Variants in ASCC3 observed in about 807,000 individuals in gnomAD.
ASCC3 encodes the protein ASC-1 complex subunit P200.
ASCC3 carries 158 observed loss-of-function variants against 256.3 expected under a neutral mutation model. That is an observed-to-expected ratio of 0.62 (90% CI 0.54 to 0.70). ASCC3 has a LOEUF of 0.70. Among genes scored for constraint, ASCC3 ranks in the 30% least tolerant of loss-of-function variants. The pLI is 0.00. For missense variants in ASCC3, 2,259 were observed against 2,626.0 expected (o/e 0.86, Z 3.05); for synonymous variants, 948 against 883.4 (o/e 1.07, Z -1.30).
chr6:100,532,392 ATATATATATATATATT>A (rs1562098439), intron 37 of ASCC3, among the ~76,000 whole-genome samples: 4 of 39,240 alleles, frequency 1.0e-4, no homozygotes, highest in African/African-American at 2.0e-4. Flanking sequence ...ATATATATAT[ATATATATATATATATT>A]TTTTTTTTTT....
intron 3 of ASCC3, among the ~76,000 whole-genome samples, chr6:100,855,110 C>CT (rs66722196): frequency 0.29 from 43,221 of 147,746 alleles, 6,423 homozygotes; most frequent in South Asian, 0.52. Context: ...TGTCAAGAAC[C>CT]TTTTTTTTTT....
At chr6:100,858,818 C>T in intron 3 of ASCC3, 2 of 641,230 alleles carry the variant, frequency 3.1e-6, no homozygotes, top group Non-Finnish European at 4.5e-6. Flanking sequence ...TAATGATGTC[C>T]AGCCCATATT....
At chr6:100,532,231 C>G (rs1043664110) in intron 37 of ASCC3, among the ~76,000 whole-genome samples, 3 of 150,792 alleles carry the variant, frequency 2.0e-5, no homozygotes, top group Non-Finnish European at 3.0e-5. Flanking sequence ...GATTTTCAAA[C>G]AAGCATACAC....
intron 13 of ASCC3, among the ~76,000 whole-genome samples, chr6:100,707,179 C>T (rs934021883): frequency 2.0e-5 from 3 of 152,036 alleles, no homozygotes; most frequent in Non-Finnish European, 4.4e-5. Flanking sequence ...TCCTTATAAC[C>T]CAGTCTTTTG....
chr6:100,638,990 G>A (rs186011547), intron 24 of ASCC3, among the ~76,000 whole-genome samples, 169 bp from the exon 25 acceptor site: 4 of 152,062 alleles, frequency 2.6e-5, no homozygotes, highest in East Asian at 1.9e-4. Context: ...AATATGTCAC[G>A]CAAGTAACCA....
chr6:100,545,177 T>C (rs533745484), intron 36 of ASCC3, among the ~76,000 whole-genome samples: 1 of 151,616 alleles, frequency 6.6e-6, no homozygotes, highest in East Asian at 1.9e-4. Context: ...TGGCACTTCT[T>C]TTTTTGTTGC....
intron 33 of ASCC3, among the ~76,000 whole-genome samples, chr6:100,603,227 A>G (rs1163779909): frequency 6.6e-6 from 1 of 151,906 alleles, no homozygotes; most frequent in Non-Finnish European, 1.5e-5. Context: ...CGGTCATATC[A>G]AGGTACAAAA....
rs541371110 is a variant in ASCC3 at position 100,540,732 on chromosome 6, A to G, written c.5551-345T>C. On this transcript the variant is annotated intron_variant, in intron 36 of 41. Coordinates refer to ENST00000369162, the MANE Select transcript of ASCC3 (RefSeq NM_006828.4). Reference sequence around the variant, plus strand: ...TATATAAAGTGTAATAAATGTTACGATATGGTAAAAGTACAGAGTGTTGAA... The same window carrying G: ...TATATAAAGTGTAATAAATGTTACGGTATGGTAAAAGTACAGAGTGTTGAA... Among the ~76,000 whole-genome samples the G allele has an allele frequency of 9.8e-5, 15 of 152,294 alleles. No individual in the cohort carries two copies. The East Asian group carries it at 2.7e-3, about 27-fold the overall frequency.
chr6:100,685,388 A>G (rs931494538), intron 13 of ASCC3, among the ~76,000 whole-genome samples: 2 of 152,138 alleles, frequency 1.3e-5, no homozygotes, highest in East Asian at 3.9e-4. Flanking sequence ...AGGCTCTTCA[A>G]GAGAATTAAG....
Position 100,589,542 on chromosome 6 carries a change from A to C in ASCC3, c.5550+92T>G, listed in dbSNP as rs1159874735. 3.3e-6 allele frequency: 5 copies of C among 1,497,556 alleles called. No individual in the cohort carries two copies. The East Asian group carries it at 1.2e-4, about 35-fold the overall frequency. The allele number at this position is 1,497,556 out of a possible 1,614,324, so 92.8% of individuals were successfully genotyped here. A position where few individuals can be genotyped will look rare whatever the true frequency, so the allele number is the denominator to read the frequency against. On this transcript the variant is annotated intron_variant, in intron 36 of 41. Coordinates refer to ENST00000369162, the MANE Select transcript of ASCC3 (RefSeq NM_006828.4). ...TGTTTGACAGAGGAAAGGGCTTTAC[A>C]AATGGTTTCTGTTAAATTTCAAGAC...
At chr6:100,656,509 G>A (rs951739135) in intron 16 of ASCC3, among the ~76,000 whole-genome samples, 3 of 151,482 alleles carry the variant, frequency 2.0e-5, no homozygotes, top group African/African-American at 7.2e-5. Context: ...AAATATTCAT[G>A]CATTTGAACC....
chr6:100,822,191 G>A (rs1314536064), intron 4 of ASCC3, among the ~76,000 whole-genome samples: 1 of 152,142 alleles, frequency 6.6e-6, no homozygotes, highest in African/African-American at 2.4e-5. Context: ...AATCAATTAA[G>A]CTATGCTTTA....
intron 4 of ASCC3, among the ~76,000 whole-genome samples, chr6:100,810,856 T>TTA (rs1394273970): frequency 1.3e-5 from 2 of 152,122 alleles, no homozygotes; most frequent in Non-Finnish European, 1.5e-5. Context: ...TAAATCTACA[T>TTA]TAAGATTCCT....
At chr6:100,858,967 G>A (rs1232970239) in intron 3 of ASCC3, 20 of 644,212 alleles carry the variant, frequency 3.1e-5, no homozygotes, top group Non-Finnish European at 4.7e-5. Context: ...CTTTTTAAAT[G>A]ACATTATGAC....
At chr6:100,756,343 C>A (rs1161126278) in intron 10 of ASCC3, among the ~76,000 whole-genome samples, 8 of 151,850 alleles carry the variant, frequency 5.3e-5, no homozygotes, top group Admixed American at 6.6e-5. Context: ...CTATTTTCAA[C>A]TTTTAATTTA....
At chr6:100,860,556 T>C (rs1218620295) in intron 3 of ASCC3, among the ~76,000 whole-genome samples, 2 of 151,950 alleles carry the variant, frequency 1.3e-5, no homozygotes, top group Non-Finnish European at 2.9e-5. Flanking sequence ...CTATACTTCA[T>C]TTGTTTATTG....
intron 4 of ASCC3, among the ~76,000 whole-genome samples, chr6:100,846,761 C>T (rs896289117): frequency 1.3e-5 from 2 of 152,166 alleles, no homozygotes; most frequent in African/African-American, 4.8e-5. Context: ...TTAACCTTCT[C>T]TATGCATACT....
rs575240668 is a variant in ASCC3, at chr6:100,645,031, C to T, written c.3634-902G>A. On this transcript the variant is annotated intron_variant, in intron 22 of 41. Transcript: ENST00000369162. ...TTCATTATGAAAGATAATATACTTT[C>T]GTCCTTAACTCAGCTTGAGGCAAGT... Among the ~76,000 whole-genome samples the T allele has an allele frequency of 3.3e-5, 5 of 152,260 alleles. No individual in the cohort carries two copies. The South Asian group carries it at 6.2e-4, about 19-fold the overall frequency.
chr6:100,840,488 CTTTTTTTT>C (rs67554743), intron 4 of ASCC3, among the ~76,000 whole-genome samples: 1 of 109,226 alleles, frequency 9.2e-6, no homozygotes, highest in South Asian at 3.6e-4. Context: ...CCACGCCAGG[CTTTTTTTT>C]TTTTTTTTTT....
Sources: allele counts gnomAD v4.1 joint callset (sites outside exome capture counted in the v4.1 genomes callset), GRCh38; gene constraint gnomAD v4.1.1; transcripts MANE v1.5; gene names NCBI Gene and HGNC (gene_info 2026-07-23, HGNC 2026-07-21).